ZNF804B: variants seen among roughly 807,000 people sequenced by gnomAD.
ZNF804B encodes the protein zinc finger 804B.
Under a neutral mutation model 101.4 loss-of-function variants are expected in ZNF804B, and 80 were observed. The observed-to-expected ratio is 0.79, with a 90% confidence interval of 0.66 to 0.95. ZNF804B has a LOEUF of 0.95. ZNF804B is among the 40% of genes least tolerant of loss of function. The probability of loss-of-function intolerance (pLI) is 0.00; values close to 1 mark genes in which losing one functional copy is unlikely to be tolerated. For synonymous variants in ZNF804B, 622 were observed against 558.8 expected (o/e 1.11, Z -1.59); for missense variants, 1,673 against 1,561.9 (o/e 1.07, Z -1.20).
intron 1 of ZNF804B, among the ~76,000 whole-genome samples, chr7:88,845,296 C>T (rs998324028): frequency 2.0e-4 from 23 of 114,188 alleles, no homozygotes; most frequent in African/African-American, 6.4e-4. Flanking sequence ...CGCGCGCACG[C>T]GCGCGCACAC....
intron 1 of ZNF804B, among the ~76,000 whole-genome samples, chr7:88,880,534 TACATATTTTAAA>T (rs1167960334): frequency 2.0e-5 from 3 of 152,188 alleles, no homozygotes; most frequent in African/African-American, 7.2e-5. Flanking sequence ...CTGAATTTAT[TACATATTTTAAA>T]GTCTTTATAA....
At chr7:89,056,488 G>A (rs1242337352) in intron 1 of ZNF804B, among the ~76,000 whole-genome samples, 1 of 152,116 alleles carries the variant, frequency 6.6e-6, no homozygotes, top group Non-Finnish European at 1.5e-5. Flanking sequence ...GGAGACGTAA[G>A]GTCAGGGGAA....
chr7:88,944,545 C>A (rs1040693150), intron 1 of ZNF804B, among the ~76,000 whole-genome samples: 3 of 150,956 alleles, frequency 2.0e-5, no homozygotes, highest in African/African-American at 4.9e-5. Flanking sequence ...GAGATTTAAC[C>A]AACTGCAGAT....
At chr7:89,067,666 T>A (rs955661149) in intron 1 of ZNF804B, among the ~76,000 whole-genome samples, 77 of 152,084 alleles carry the variant, frequency 5.1e-4, no homozygotes, top group Non-Finnish European at 1.0e-3. Context: ...GCATGTGTAT[T>A]TTAGCTAGTA....
chr7:89,140,336 G>T, intron 1 of ZNF804B, among the ~76,000 whole-genome samples: 1 of 151,984 alleles, frequency 6.6e-6, no homozygotes, highest in East Asian at 1.9e-4. Context: ...TCAACTTATA[G>T]GTGCTTTAGC....
At chr7:89,048,971 T>C (rs948444998) in intron 1 of ZNF804B, among the ~76,000 whole-genome samples, 1 of 151,966 alleles carries the variant, frequency 6.6e-6, no homozygotes, top group African/African-American at 2.4e-5. Flanking sequence ...GTATACTTCT[T>C]ATAAAATATT....
At chr7:89,115,112 G>T (rs1235944114) in intron 1 of ZNF804B, among the ~76,000 whole-genome samples, 2 of 139,554 alleles carry the variant, frequency 1.4e-5, no homozygotes, top group African/African-American at 5.3e-5. Context: ...GAACATAGAG[G>T]GATAGAAGAG....
At chr7:89,027,826 C>T (rs987199694) in intron 1 of ZNF804B, among the ~76,000 whole-genome samples, 1 of 152,124 alleles carries the variant, frequency 6.6e-6, no homozygotes, top group Non-Finnish European at 1.5e-5. Flanking sequence ...GATGAGTGTC[C>T]AGCCCAAGAG....
chr7:88,780,832 A>C (rs1790215529), intron 1 of ZNF804B, among the ~76,000 whole-genome samples: 1 of 152,182 alleles, frequency 6.6e-6, no homozygotes, highest in South Asian at 2.1e-4. Flanking sequence ...TAATGATATA[A>C]TTTGAAATCT....
intron 1 of ZNF804B, among the ~76,000 whole-genome samples, chr7:89,155,642 G>A (rs1392276212): frequency 6.6e-6 from 1 of 152,122 alleles, no homozygotes; most frequent in Non-Finnish European, 1.5e-5. Context: ...ATCTGGCTCT[G>A]TGCCTTCCTT....
chr7:89,284,706 T>C (rs1316767842), intron 2 of ZNF804B, among the ~76,000 whole-genome samples: 1 of 148,628 alleles, frequency 6.7e-6, no homozygotes, highest in African/African-American at 2.5e-5. Flanking sequence ...TCTAACAGGA[T>C]TTGGAAAAAA....
At chr7:88,924,716 G>A (rs1253326006) in intron 1 of ZNF804B, among the ~76,000 whole-genome samples, 1 of 151,954 alleles carries the variant, frequency 6.6e-6, no homozygotes, top group Non-Finnish European at 1.5e-5. Flanking sequence ...TCCTCATTTG[G>A]TGTTATTTTT....
intron 1 of ZNF804B, among the ~76,000 whole-genome samples, chr7:88,985,863 C>G (rs74381859): frequency 0.023 from 3,451 of 152,150 alleles, 134 homozygotes; most frequent in African/African-American, 0.079. Context: ...CCAAGATTAA[C>G]TGAATGGAAG....
chr7:89,191,759 GC>G (rs1788458085), intron 1 of ZNF804B, among the ~76,000 whole-genome samples: 1 of 151,974 alleles, frequency 6.6e-6, no homozygotes, highest in Non-Finnish European at 1.5e-5. Context: ...AGGACAAACA[GC>G]CTGTATGAAA....
At chr7:88,878,484 G>A (rs868594640) in intron 1 of ZNF804B, among the ~76,000 whole-genome samples, 1 of 152,230 alleles carries the variant, frequency 6.6e-6, no homozygotes, top group Middle Eastern at 3.4e-3. Context: ...TATAATAAGG[G>A]TGTCTGCCTG....
chr7:89,061,664 C>T (rs1428110440), intron 1 of ZNF804B, among the ~76,000 whole-genome samples: 1 of 152,044 alleles, frequency 6.6e-6, no homozygotes, highest in East Asian at 1.9e-4. Flanking sequence ...CCTCTTTGTG[C>T]TTCACTCAGT....
intron 1 of ZNF804B, among the ~76,000 whole-genome samples, chr7:89,033,404 A>G (rs1293839862): frequency 6.6e-6 from 1 of 152,174 alleles, no homozygotes; most frequent in Admixed American, 6.6e-5. Context: ...GTTATTATAA[A>G]TAGTGCCACC....
intron 1 of ZNF804B, among the ~76,000 whole-genome samples, chr7:88,860,689 A>G (rs1164163692): frequency 6.6e-6 from 1 of 152,128 alleles, no homozygotes; most frequent in Non-Finnish European, 1.5e-5. Context: ...GAGGCAGAGG[A>G]AGAAAAGAAG....
At chr7:88,854,414 C>CTTTCTTCCTTCCTTTCTTTCTTT (rs1791502231) in intron 1 of ZNF804B, among the ~76,000 whole-genome samples, 1 of 57,076 alleles carries the variant, frequency 1.8e-5, no homozygotes, top group African/African-American at 6.3e-5. Context: ...TTTCTTTCTT[C>CTTTCTTCCTTCCTTTCTTTCTTT]CTTTCTTTCT....
Sources: gnomAD v4.1 joint callset for allele counts (sites outside exome capture counted in the v4.1 genomes callset) on GRCh38, gnomAD v4.1.1 for gene constraint, MANE v1.5 for transcripts, NCBI Gene and HGNC (gene_info 2026-07-23, HGNC 2026-07-21) for gene names.